The following DOCK4 variants were observed in gnomAD, a reference collection of about 807,000 sequenced individuals.
DOCK4 encodes dedicator of cytokinesis protein 4.
A neutral mutation model predicts 268.1 loss-of-function variants in DOCK4; 97 were observed. The ratio of observed to expected loss-of-function variants is 0.36; its 90% CI spans 0.31 to 0.43. The LOEUF (loss-of-function observed/expected upper bound fraction) is 0.43, where lower values mean the gene tolerates loss of function less well. DOCK4 is among the 20% of genes least tolerant of loss of function. The pLI, the probability that DOCK4 is intolerant of heterozygous loss-of-function variation, is 1.00. For synonymous variants in DOCK4, 954 were observed against 887.2 expected, an observed-to-expected ratio of 1.08 and a Z score of -1.34; for missense variants, 2,145 against 2,455.7, an observed-to-expected ratio of 0.87 and a Z score of 2.67.
At chr7:112,135,306 G>A (rs959220019) in intron 1 of DOCK4, among the ~76,000 whole-genome samples, 1 of 151,684 alleles carries the variant, frequency 6.6e-6, no homozygotes, top group African/African-American at 2.4e-5. Context: ...ATATATTTAC[G>A]CTTTACCTTT....
chr7:112,089,471 C>T (rs563868152), intron 1 of DOCK4, among the ~76,000 whole-genome samples: 4 of 152,212 alleles, frequency 2.6e-5, no homozygotes, highest in African/African-American at 9.6e-5. Flanking sequence ...ACTTAATGAC[C>T]TTTCAAGGAT....
At chr7:112,192,053 GTGTT>G (rs1421318322) in intron 1 of DOCK4, among the ~76,000 whole-genome samples, 1 of 147,156 alleles carries the variant, frequency 6.8e-6, no homozygotes, top group Non-Finnish European at 1.5e-5. Flanking sequence ...TATATATACA[GTGTT>G]TGTGCTTGTG....
At chr7:112,060,581 A>G (rs1359891877) in intron 1 of DOCK4, among the ~76,000 whole-genome samples, 1 of 152,212 alleles carries the variant, frequency 6.6e-6, no homozygotes, top group East Asian at 1.9e-4. Flanking sequence ...GTGTCCATCA[A>G]CAGATGGCTG....
intron 6 of DOCK4, 61 bp downstream of exon 6, chr7:111,988,954 G>T: frequency 6.4e-7 from 1 of 1,551,240 alleles, no homozygotes; most frequent in Middle Eastern, 1.7e-4. Context: ...TCTGGCTCAG[G>T]CCTATGTCAC....
At chr7:111,768,676 G>GT (rs955916250) in intron 37 of DOCK4, among the ~76,000 whole-genome samples, 1 of 152,110 alleles carries the variant, frequency 6.6e-6, no homozygotes, top group Non-Finnish European at 1.5e-5. Context: ...AGTCAGTGAG[G>GT]TTTTTTCAAC....
At chr7:111,853,314 G>T (rs1015281718) in intron 23 of DOCK4, among the ~76,000 whole-genome samples, 2 of 152,184 alleles carry the variant, frequency 1.3e-5, no homozygotes, top group African/African-American at 4.8e-5. Context: ...CTGGGCTCTA[G>T]CATGGGCTGG....
chr7:112,205,378 G>A (rs1821308468), intron 1 of DOCK4, among the ~76,000 whole-genome samples: 1 of 151,994 alleles, frequency 6.6e-6, no homozygotes, highest in Non-Finnish European at 1.5e-5. Context: ...CTCACCCGGG[G>A]TCGAGAGGGT....
intron 26 of DOCK4, among the ~76,000 whole-genome samples, chr7:111,832,660 T>A (rs2134016985): frequency 6.6e-6 from 1 of 152,210 alleles, no homozygotes; most frequent in South Asian, 2.1e-4. Flanking sequence ...CCCAAATAGC[T>A]GGGACTACAG....
At chr7:112,048,892 C>G (rs1395684859) in intron 1 of DOCK4, among the ~76,000 whole-genome samples, 1 of 152,024 alleles carries the variant, frequency 6.6e-6, no homozygotes, top group Non-Finnish European at 1.5e-5. Flanking sequence ...AGGTATTAAG[C>G]CCCACACGCA....
chr7:111,886,998 G>A (rs1461320634), intron 16 of DOCK4, among the ~76,000 whole-genome samples: 3 of 152,172 alleles, frequency 2.0e-5, no homozygotes, highest in Non-Finnish European at 2.9e-5. Context: ...TATGTCTGGA[G>A]TAGGGAATTT....
chr7:112,194,980 T>TA (rs1254476089), intron 1 of DOCK4, among the ~76,000 whole-genome samples: 1 of 152,080 alleles, frequency 6.6e-6, no homozygotes, highest in Non-Finnish European at 1.5e-5. Flanking sequence ...ATAGTTCTCC[T>TA]AAAAAAACAA....
chr7:111,914,371 T>C (rs1203285877), intron 13 of DOCK4, among the ~76,000 whole-genome samples: 1 of 152,164 alleles, frequency 6.6e-6, no homozygotes, highest in Non-Finnish European at 1.5e-5. Flanking sequence ...CCTGTGGCAA[T>C]GTAAAGCAGT....
intron 16 of DOCK4, among the ~76,000 whole-genome samples, chr7:111,886,033 G>A (rs574351442): frequency 9.2e-5 from 14 of 152,146 alleles, no homozygotes; most frequent in South Asian, 4.2e-4. Flanking sequence ...GGTCAGTCCC[G>A]GACAGTGTTC....
chr7:112,124,824 C>T (rs1456243826), intron 1 of DOCK4, among the ~76,000 whole-genome samples: 2 of 152,178 alleles, frequency 1.3e-5, no homozygotes, highest in African/African-American at 4.8e-5. Flanking sequence ...TGATACATTT[C>T]ATATATAATT....
At chr7:112,099,242 AGTTC>A (rs1462675455) in intron 1 of DOCK4, among the ~76,000 whole-genome samples, 3 of 147,528 alleles carry the variant, frequency 2.0e-5, no homozygotes, top group Non-Finnish European at 4.5e-5. Context: ...CAGTGAGCTG[AGTTC>A]GTGCCATTGC....
chr7:111,927,637 C>A (rs1041558145), intron 12 of DOCK4, among the ~76,000 whole-genome samples: 1 of 152,136 alleles, frequency 6.6e-6, no homozygotes, highest in African/African-American at 2.4e-5. Flanking sequence ...GTTTTTTAAA[C>A]AGGCTTTGTT....
chr7:111,935,199 C>T (rs889647365), intron 12 of DOCK4, among the ~76,000 whole-genome samples: 17 of 152,116 alleles, frequency 1.1e-4, no homozygotes, highest in Admixed American at 6.6e-4. Flanking sequence ...CCACTAATCT[C>T]GGCCTCCCAA....
intron 1 of DOCK4, among the ~76,000 whole-genome samples, chr7:112,077,353 T>G (rs1808162480): frequency 6.6e-6 from 1 of 152,180 alleles, no homozygotes; most frequent in Admixed American, 6.5e-5. Context: ...TTACATTAAC[T>G]ACTATGGGAA....
rs554796249 is a variant in DOCK4, at chr7:111,924,307, C to T, written c.1067-8403G>A. Among the ~76,000 whole-genome samples, 40 of 152,100 alleles carry T rather than the reference C, an allele frequency of 2.6e-4. No individual in the cohort carries two copies. The South Asian group carries it at 7.9e-3, about 30-fold the overall frequency. Reference sequence around the variant, plus strand: ...ATCCCATGCATCATAGGTGTGGAAGCGACGATATGGAGTGGGTTACACATT... The same window carrying T: ...ATCCCATGCATCATAGGTGTGGAAGTGACGATATGGAGTGGGTTACACATT... On this transcript the variant is annotated intron_variant, in intron 12 of 52. Coordinates refer to ENST00000428084, the MANE Select transcript of DOCK4 (RefSeq NM_001363540.2).
Sources: gnomAD v4.1 joint callset for allele counts (sites outside exome capture counted in the v4.1 genomes callset) on GRCh38, gnomAD v4.1.1 for gene constraint, MANE v1.5 for transcripts, NCBI Gene and HGNC (gene_info 2026-07-23, HGNC 2026-07-21) for gene names.